The following CDH18 variants were observed in gnomAD, a reference collection of about 807,000 sequenced individuals.
CDH18 encodes cadherin-18.
In CDH18, 31 loss-of-function variants were observed where a neutral mutation model predicts 67.9. The ratio of observed to expected loss-of-function variants is 0.46; its 90% confidence interval spans 0.34 to 0.62. The LOEUF is 0.62. Ranked by LOEUF, CDH18 falls within the 20% of genes least tolerant of loss-of-function variation. The pLI is 0.01. For synonymous variants in CDH18, 362 were observed against 347.2 expected, an observed-to-expected ratio of 1.04 and a Z score of -0.48; for missense variants, 890 against 975.5, an observed-to-expected ratio of 0.91 and a Z score of 1.17.
chr5:19,734,017 C>T (rs183980740), intron 4 of CDH18, among the ~76,000 whole-genome samples: 515 of 152,268 alleles, frequency 3.4e-3, no homozygotes, highest in South Asian at 6.0e-3. Flanking sequence ...GCTGCAGGTC[C>T]GGCAAATGGG....
In CDH18 at chr5:20,236,781, C is replaced by T. The variant is rs114509511; in HGVS notation, c.-518+18663G>A. Among the ~76,000 whole-genome samples the T allele has an allele frequency of 8.8e-3, 1,337 of 152,074 alleles. 23 individuals carry two copies. The highest frequency in any genetic ancestry group is 0.03 in the African/African-American group (1,228 of 41,534). On this transcript the variant is annotated intron_variant, in intron 2 of 14. Transcript: ENST00000507958. Reference sequence around the variant, plus strand: ...GTAAGAAGAAATCAAACAAATACTACACAAACTCTTCCATGAATTTGAGAG... The same window carrying T: ...GTAAGAAGAAATCAAACAAATACTATACAAACTCTTCCATGAATTTGAGAG...
At chr5:20,502,017 G>A (rs1352269055) in intron 1 of CDH18, among the ~76,000 whole-genome samples, 2 of 151,968 alleles carry the variant, frequency 1.3e-5, no homozygotes, top group Non-Finnish European at 1.5e-5. Context: ...AAACTTGTCA[G>A]AGAAAGAAGT....
At chr5:20,037,492 A>C (rs1739980575) in intron 2 of CDH18, among the ~76,000 whole-genome samples, 1 of 152,150 alleles carries the variant, frequency 6.6e-6, no homozygotes, top group Non-Finnish European at 1.5e-5. Context: ...AAGAACAGAA[A>C]TCATAACAAA....
chr5:20,137,629 G>A (rs553426909), intron 2 of CDH18, among the ~76,000 whole-genome samples: 1 of 152,100 alleles, frequency 6.6e-6, no homozygotes, highest in African/African-American at 2.4e-5. Flanking sequence ...TTCCATTGCT[G>A]GCAAGGAGCT....
At chr5:19,779,233 A>T (rs530656806) in intron 3 of CDH18, among the ~76,000 whole-genome samples, 26 of 152,276 alleles carry the variant, frequency 1.7e-4, no homozygotes, top group African/African-American at 5.8e-4. Flanking sequence ...CAATGTGTAC[A>T]TCTATAATAT....
chr5:19,510,933 T>C (rs1324812575), intron 10 of CDH18, among the ~76,000 whole-genome samples: 1 of 151,980 alleles, frequency 6.6e-6, no homozygotes, highest in Non-Finnish European at 1.5e-5. Context: ...TGCCTCAGCC[T>C]CCCGAGTAGC....
chr5:19,606,367 A>G (rs1748042773), intron 6 of CDH18, among the ~76,000 whole-genome samples: 1 of 152,228 alleles, frequency 6.6e-6, no homozygotes, highest in Admixed American at 6.6e-5. Flanking sequence ...CATGATTATG[A>G]TATTAGAATT....
intron 2 of CDH18, among the ~76,000 whole-genome samples, chr5:19,973,457 G>A (rs1798216452): frequency 6.6e-6 from 1 of 152,110 alleles, no homozygotes; most frequent in African/African-American, 2.4e-5. Flanking sequence ...TGTGCAGCAG[G>A]AAATCTCTTA....
At chr5:20,012,372 C>CA (rs374226366) in intron 2 of CDH18, among the ~76,000 whole-genome samples, 66,782 of 116,006 alleles carry the variant, frequency 0.58, 19,416 homozygotes, top group Middle Eastern at 0.7. Flanking sequence ...TTATCTTGTT[C>CA]AAAAAAAAAA....
chr5:19,565,004 G>A (rs981333470), intron 8 of CDH18, among the ~76,000 whole-genome samples: 2 of 151,684 alleles, frequency 1.3e-5, no homozygotes, highest in Non-Finnish European at 2.9e-5. Context: ...TGTGGCTGGG[G>A]TGTCAGCTCA....
chr5:20,035,167 T>A (rs1345853342), intron 2 of CDH18, among the ~76,000 whole-genome samples: 2 of 152,038 alleles, frequency 1.3e-5, no homozygotes. Flanking sequence ...ACACATAGTG[T>A]TAGTGAGGAA....
intron 1 of CDH18, among the ~76,000 whole-genome samples, chr5:20,574,162 C>A (rs1581220972): frequency 6.6e-6 from 1 of 151,472 alleles, no homozygotes; most frequent in South Asian, 2.1e-4. Flanking sequence ...ATCTAAATAT[C>A]ATCTCGCATT....
intron 10 of CDH18, among the ~76,000 whole-genome samples, chr5:19,507,345 G>A (rs1744366936): frequency 6.6e-6 from 1 of 152,150 alleles, no homozygotes; most frequent in Admixed American, 6.6e-5. Context: ...AAGTCAGTGT[G>A]GCAATTCCTC....
rs1263012162 is a variant in CDH18 at position 20,103,797 on chromosome 5, A to T, written c.-517-111783T>A. 4.5e-5 allele frequency among the ~76,000 whole-genome samples: 3 copies of T among 67,152 alleles called. No individual in the cohort carries two copies. In the South Asian group the frequency reaches 2.5e-3, roughly 57 times the overall value. 44.1% of individuals were successfully genotyped at this position (67,152 alleles called of 152,430 possible). On this transcript the variant is annotated intron_variant, in intron 2 of 14. Transcript: ENST00000507958. ...ATAGAATTTATTAATGGAGCTATGT[A>T]CATAGAAACCAAAAGAAAAAAAAAA...
At chr5:19,537,463 TACACAC>T (rs144638686) in intron 9 of CDH18, among the ~76,000 whole-genome samples, 2 of 150,804 alleles carry the variant, frequency 1.3e-5, no homozygotes, top group Non-Finnish European at 3.0e-5. Context: ...ACATACACAT[TACACAC>T]ACACACACAC....
chr5:20,472,734 A>T (rs562626803), intron 1 of CDH18, among the ~76,000 whole-genome samples: 1 of 152,336 alleles, frequency 6.6e-6, no homozygotes, highest in South Asian at 2.1e-4. Context: ...TGCCTGAGTT[A>T]CTTGTTATTA....
At chr5:19,760,377 C>T (rs930133832) in intron 3 of CDH18, among the ~76,000 whole-genome samples, 6 of 152,148 alleles carry the variant, frequency 3.9e-5, no homozygotes, top group African/African-American at 9.7e-5. Context: ...ATCCACTCCA[C>T]GATCCCGATT....
At chr5:19,808,758 G>A (rs906110981) in intron 3 of CDH18, among the ~76,000 whole-genome samples, 5 of 149,304 alleles carry the variant, frequency 3.3e-5, no homozygotes, top group African/African-American at 1.2e-4. Flanking sequence ...TTGAACCCGG[G>A]AGGTGGAGCT....
rs1288715568 is a variant in CDH18, at chr5:19,886,856, C to A, written c.-256-47614G>T. Reference sequence around the variant, plus strand: ...TAATTATGTCATATGATATACTATTCTTTTTGTGTGGATTCATTCATTCAT... The same window carrying A: ...TAATTATGTCATATGATATACTATTATTTTTGTGTGGATTCATTCATTCAT... On this transcript the variant is annotated intron_variant, in intron 2 of 12. Coordinates refer to ENST00000382275, the MANE Select transcript of CDH18 (RefSeq NM_004934.5). 2.6e-5 allele frequency among the ~76,000 whole-genome samples: 4 copies of A among 152,096 alleles called. No individual in the cohort carries two copies. In the East Asian group the frequency reaches 7.7e-4, roughly 29 times the overall value.
Sources: gnomAD v4.1 joint callset for allele counts (sites outside exome capture counted in the v4.1 genomes callset) on GRCh38, gnomAD v4.1.1 for gene constraint, MANE v1.5 for transcripts, NCBI Gene and HGNC (gene_info 2026-07-23, HGNC 2026-07-21) for gene names.